VTI1B: variants seen among roughly 807,000 people sequenced by gnomAD.
The protein encoded by VTI1B is vesicle transport through interaction with t-SNAREs 1B, also known as vesicle transport through interaction with t-SNAREs homolog 1B.
A neutral mutation model predicts 28.6 loss-of-function variants in VTI1B; 18 were observed. The ratio of observed to expected loss-of-function variants is 0.63; its 90% CI spans 0.43 to 0.93. The LOEUF is 0.93. Ranked by LOEUF, VTI1B falls within the 40% of genes least tolerant of loss-of-function variation. The pLI is 0.00. For missense variants in VTI1B, 283 were observed against 297.0 expected (o/e 0.95, Z 0.35); for synonymous variants, 100 against 107.9 (o/e 0.93, Z 0.46).
chr14:67,663,136 C>T (rs747044782), intron 1 of VTI1B: 3 of 1,529,334 alleles, frequency 2.0e-6, no homozygotes, highest in Non-Finnish European at 2.6e-6. Flanking sequence ...CAGCCTTTCC[C>T]ATTCTGTCCC....
intron 4 of VTI1B, among the ~76,000 whole-genome samples, chr14:67,653,709 TC>T: frequency 6.6e-6 from 1 of 152,222 alleles, no homozygotes; most frequent in Non-Finnish European, 1.5e-5. Context: ...AGAATCATCT[TC>T]CCAGGTTGCT....
chr14:67,647,271 A>C lies in VTI1B; in HGVS notation c.*4114T>G. 2 of 403,638 alleles carry C rather than the reference A, an allele frequency of 5.0e-6. No individual in the cohort carries two copies. Among genetic ancestry groups the C allele is most frequent in the Non-Finnish European group, 8.8e-6 (2 of 226,218 alleles). The allele number at this position is 403,638 out of a possible 1,614,324, so 25.0% of individuals were successfully genotyped here. A position where few individuals can be genotyped will look rare whatever the true frequency, so the allele number is the denominator to read the frequency against. The stretch of plus-strand genomic sequence containing the variant: ...TGAATTTTTCTTTATCTCCATCTTT[A>C]ATGCTTATCTTCTGAGATGACAAGC... On this transcript the variant is annotated 3_prime_UTR_variant, in exon 6 of 6. Transcript: ENST00000554659.
Position 67,648,149 on chromosome 14 carries a change from A to G in VTI1B, c.*3236T>C. The G allele has an allele frequency of 6.2e-7, 1 of 1,614,058 alleles. No individual in the cohort carries two copies. The highest frequency in any genetic ancestry group is 1.1e-5 in the South Asian group (1 of 91,074). On this transcript the variant is annotated 3_prime_UTR_variant, in exon 6 of 6. Transcript: ENST00000554659. Reference sequence around the variant, plus strand: ...TTGTCGGGGGACTAACCTATCGAGAAGGCATGTATATTGCTGAGGAAATAC... The same window carrying G: ...TTGTCGGGGGACTAACCTATCGAGAGGGCATGTATATTGCTGAGGAAATAC...
intron 1 of VTI1B, among the ~76,000 whole-genome samples, chr14:67,666,717 T>C (rs568223018): frequency 3.3e-5 from 5 of 152,280 alleles, no homozygotes; most frequent in Non-Finnish European, 7.4e-5. Context: ...CTGAGGACAC[T>C]AGACCCTGGA....
chr14:67,654,947 T>G (rs952468121), intron 4 of VTI1B, among the ~76,000 whole-genome samples: 3 of 142,062 alleles, frequency 2.1e-5, no homozygotes, highest in Non-Finnish European at 4.5e-5. Flanking sequence ...GAGAATGGCA[T>G]GAACCTGGGA....
rs2037311636 is a variant in VTI1B, at chr14:67,659,716, A to G, written c.366+15T>C. On this transcript the variant is annotated intron_variant, in intron 3 of 5. Coordinates refer to ENST00000554659, the MANE Select transcript of VTI1B (RefSeq NM_006370.3). ...TTAAAGGAAAAAAAAAACAAACAAA[A>G]CAGCTAAAACTTACCATATGCTCAT... The G allele has an allele frequency of 6.4e-7, 1 of 1,573,168 alleles. No individual in the cohort carries two copies. The highest frequency in any genetic ancestry group is 8.6e-7 in the Non-Finnish European group (1 of 1,163,888).
chr14:67,650,658 C>T lies in VTI1B; in HGVS notation c.*727G>A, dbSNP rs1210332336. ...GTTCTCCCTGTCCCAGTGGGATGAC[C>T]CTCACTGAGAGTAGCAGCAAGGGAA... On this transcript the variant is annotated 3_prime_UTR_variant, in exon 6 of 6. Transcript: ENST00000554659. 1 of 1,502,264 alleles carries T rather than the reference C, an allele frequency of 6.7e-7. No individual in the cohort carries two copies. Among genetic ancestry groups the T allele is most frequent in the African/African-American group, 1.4e-5 (1 of 72,548 alleles). The allele number at this position is 1,502,264 out of a possible 1,614,324, so 93.1% of individuals were successfully genotyped here.
rs769287320 is a variant in VTI1B, at chr14:67,650,481, G to A, written c.*904C>T. 4 of 549,308 alleles carry A rather than the reference G, an allele frequency of 7.3e-6. No homozygotes were observed. The highest frequency in any genetic ancestry group is 1.3e-5 in the Non-Finnish European group (4 of 306,602). The allele number at this position is 549,308 out of a possible 1,614,324, so 34.0% of individuals were successfully genotyped here. A position where few individuals can be genotyped will look rare whatever the true frequency, so the allele number is the denominator to read the frequency against. ...CTGTTATGTTAGTTGAACAGGGATG[G>A]TTTATTTCATTATCTTAAAAGGTTT... On this transcript the variant is annotated 3_prime_UTR_variant, in exon 6 of 6. Coordinates refer to ENST00000554659, the MANE Select transcript of VTI1B (RefSeq NM_006370.3).
intron 1 of VTI1B, among the ~76,000 whole-genome samples, chr14:67,672,925 C>T (rs1280876232): frequency 6.6e-6 from 1 of 152,244 alleles, no homozygotes; most frequent in Non-Finnish European, 1.5e-5. Flanking sequence ...CATGGAACTT[C>T]CTGCTCTTCG....
chr14:67,658,521 C>T (rs1050188201), intron 3 of VTI1B, among the ~76,000 whole-genome samples: 1 of 152,110 alleles, frequency 6.6e-6, no homozygotes, highest in Non-Finnish European at 1.5e-5. Flanking sequence ...GGAGTGAACC[C>T]GGGAGGTGGA....
At chr14:67,666,018 C>T (rs2037398342) in intron 1 of VTI1B, among the ~76,000 whole-genome samples, 1 of 152,194 alleles carries the variant, frequency 6.6e-6, no homozygotes, top group Admixed American at 6.5e-5. Flanking sequence ...ACGGCTACTT[C>T]CATGGAGCAG....
At position 67,651,094 on chromosome 14, in the gene VTI1B, T is replaced by C. The variant is rs2037169174; in HGVS notation, c.*291A>G. On this transcript the variant is annotated 3_prime_UTR_variant, in exon 6 of 6. Transcript: ENST00000554659. ...TTTTGGTGACCAATACTACTGTAAATGTATTTGGTTTTTTGCAGTTCACAG... is the reference window on the plus strand; with the variant it reads ...TTTTGGTGACCAATACTACTGTAAACGTATTTGGTTTTTTGCAGTTCACAG... The C allele has an allele frequency of 2.2e-6, 2 of 925,156 alleles. No homozygotes were observed. Among genetic ancestry groups the C allele is most frequent in the Non-Finnish European group, 3.2e-6 (2 of 625,018 alleles). The allele number at this position is 925,156 out of a possible 1,614,324, so 57.3% of individuals were successfully genotyped here.
rs796970491 is a variant in VTI1B at position 67,649,133 on chromosome 14, A to G, written c.*2252T>C. ...GGTTCAATTCTCTGCTTTGCTTCCT[A>G]AAAACACCACTTAGAGCAGGGGTTA... On this transcript the variant is annotated 3_prime_UTR_variant, in exon 6 of 6. Transcript: ENST00000554659. 2.0e-4 allele frequency: 30 copies of G among 152,290 alleles called. No individual in the cohort carries two copies. Among genetic ancestry groups the G allele is most frequent in the African/African-American group, 5.1e-4 (21 of 41,560 alleles). 9.4% of individuals were successfully genotyped at this position (152,290 alleles called of 1,614,324 possible).
intron 2 of VTI1B, among the ~76,000 whole-genome samples, chr14:67,660,760 G>A (rs1420615668): frequency 6.6e-6 from 1 of 152,196 alleles, no homozygotes; most frequent in Non-Finnish European, 1.5e-5. Flanking sequence ...CCTGGAATGG[G>A]CAGCATAGGA....
chr14:67,657,888 A>G (rs1270410942), intron 3 of VTI1B, among the ~76,000 whole-genome samples: 1 of 151,670 alleles, frequency 6.6e-6, no homozygotes, highest in East Asian at 1.9e-4. Context: ...AACTGGGATT[A>G]CAGGCACCCG....
intron 1 of VTI1B, chr14:67,663,168 T>C (rs932614494): frequency 2.2e-5 from 33 of 1,533,074 alleles, no homozygotes; most frequent in Non-Finnish European, 2.8e-5. Flanking sequence ...GTATCTTTAA[T>C]ACCTAAAAAT....
Position 67,650,998 on chromosome 14 carries a change from T to C in VTI1B, c.*387A>G. On this transcript the variant is annotated 3_prime_UTR_variant, in exon 6 of 6. Transcript: ENST00000554659. ...ATTGAGGGGATAGATGAATACTAAA[T>C]GGTTGTCTGGGTCAATACTGCCTTA... 1 of 1,395,578 alleles carries C rather than the reference T, an allele frequency of 7.2e-7. No homozygotes were observed. The highest frequency in any genetic ancestry group is 1.0e-6 in the Non-Finnish European group (1 of 1,001,120). The allele number at this position is 1,395,578 out of a possible 1,614,324, so 86.4% of individuals were successfully genotyped here.
intron 2 of VTI1B, among the ~76,000 whole-genome samples, chr14:67,661,779 C>T: frequency 6.6e-6 from 1 of 152,048 alleles, no homozygotes. Flanking sequence ...AGTGATCCTC[C>T]CACCTTGGCA....
chr14:67,652,273 T>C (rs2037192244), intron 5 of VTI1B: 1 of 152,406 alleles, frequency 6.6e-6, no homozygotes, highest in African/African-American at 2.4e-5. Context: ...AATTCAAATA[T>C]TGTCTTCAAA....
Sources: gnomAD v4.1 joint callset for allele counts (sites outside exome capture counted in the v4.1 genomes callset) on GRCh38, gnomAD v4.1.1 for gene constraint, MANE v1.5 for transcripts, NCBI Gene and HGNC (gene_info 2026-07-23, HGNC 2026-07-21) for gene names.